The following CDH13 variants were observed in gnomAD, a reference collection of about 807,000 sequenced individuals.
CDH13 encodes the protein cadherin-13.
A neutral mutation model predicts 63.8 loss-of-function variants in CDH13; 24 were observed. The ratio of observed to expected loss-of-function variants is 0.38; its 90% CI spans 0.27 to 0.53. CDH13 has a LOEUF of 0.53. CDH13 is among the 20% of genes least tolerant of loss of function. The pLI, the probability that CDH13 is intolerant of heterozygous loss-of-function variation, is 0.85. For missense variants in CDH13, 1,049 were observed against 903.1 expected (o/e 1.16, Z -2.07); for synonymous variants, 503 against 355.3 (o/e 1.42, Z -4.67).
intron 5 of CDH13, among the ~76,000 whole-genome samples, chr16:83,252,563 A>C (rs2151826823): frequency 6.6e-6 from 1 of 152,258 alleles, no homozygotes; most frequent in East Asian, 1.9e-4. Context: ...GGCTGAGCCA[A>C]GTGACATGTT....
chr16:83,751,854 G>A (rs1913112059), intron 11 of CDH13, among the ~76,000 whole-genome samples: 1 of 152,246 alleles, frequency 6.6e-6, no homozygotes, highest in African/African-American at 2.4e-5. Flanking sequence ...AGTTTCAGAG[G>A]ACTGGTCCTT....
intron 1 of CDH13, among the ~76,000 whole-genome samples, chr16:82,836,437 G>A (rs1043641317): frequency 2.0e-5 from 3 of 152,072 alleles, no homozygotes; most frequent in South Asian, 2.1e-4. Flanking sequence ...GGCATGAGCC[G>A]CTGTGCCTGG....
chr16:83,288,216 C>G lies in CDH13; in HGVS notation c.637-56646C>G, dbSNP rs150084535. 5.3e-5 allele frequency among the ~76,000 whole-genome samples: 8 copies of G among 152,332 alleles called. No individual in the cohort carries two copies. The East Asian group carries it at 1.5e-3, about 29-fold the overall frequency. Reference sequence around the variant, plus strand: ...AAAGCAAGCTCCTCACTCATCTCCTCTAGCCCAGCCCCAATAGCTAACTCA... The same window carrying G: ...AAAGCAAGCTCCTCACTCATCTCCTGTAGCCCAGCCCCAATAGCTAACTCA... On this transcript the variant is annotated intron_variant, in intron 5 of 13. Transcript: ENST00000567109.
intron 4 of CDH13, among the ~76,000 whole-genome samples, chr16:83,147,706 G>C (rs911668655): frequency 6.6e-6 from 1 of 151,914 alleles, no homozygotes; most frequent in Non-Finnish European, 1.5e-5. Context: ...CCCCACTTGC[G>C]TTCCACCCCT....
chr16:83,341,596 C>T (rs990777055), intron 5 of CDH13, among the ~76,000 whole-genome samples: 1 of 152,198 alleles, frequency 6.6e-6, no homozygotes, highest in African/African-American at 2.4e-5. Context: ...ATGTTTTCCT[C>T]TGTGGGGATC....
chr16:83,473,906 T>G (rs2073531014), intron 6 of CDH13, among the ~76,000 whole-genome samples: 1 of 152,112 alleles, frequency 6.6e-6, no homozygotes, highest in South Asian at 2.1e-4. Flanking sequence ...CTCATAGGGT[T>G]TGTGGGATGA....
intron 4 of CDH13, among the ~76,000 whole-genome samples, chr16:83,127,086 C>G (rs563738679): frequency 6.6e-6 from 1 of 152,262 alleles, no homozygotes; most frequent in African/African-American, 2.4e-5. Flanking sequence ...GGTTGAACAG[C>G]ATCTTTGGCA....
At chr16:83,303,977 T>C (rs2089813596) in intron 5 of CDH13, among the ~76,000 whole-genome samples, 2 of 152,154 alleles carry the variant, frequency 1.3e-5, no homozygotes, top group Non-Finnish European at 2.9e-5. Context: ...ATAGGATGAA[T>C]TGGGCTTTTT....
intron 1 of CDH13, among the ~76,000 whole-genome samples, chr16:82,731,747 T>C (rs2033414699): frequency 6.6e-6 from 1 of 152,244 alleles, no homozygotes; most frequent in Non-Finnish European, 1.5e-5. Context: ...GTGTGTACAA[T>C]TTACAATATA....
intron 6 of CDH13, among the ~76,000 whole-genome samples, chr16:83,456,198 A>G (rs956279268): frequency 7.2e-5 from 11 of 152,218 alleles, no homozygotes; most frequent in African/African-American, 2.7e-4. Context: ...AGGCAGACAC[A>G]TTCCCTGCTC....
At chr16:83,196,457 C>G (rs1214315629) in intron 4 of CDH13, among the ~76,000 whole-genome samples, 1 of 152,012 alleles carries the variant, frequency 6.6e-6, no homozygotes, top group Non-Finnish European at 1.5e-5. Context: ...AAATTTGAAA[C>G]TTTTGCTATG....
At chr16:83,753,163 C>T (rs115412811) in intron 11 of CDH13, among the ~76,000 whole-genome samples, 1 of 152,180 alleles carries the variant, frequency 6.6e-6, no homozygotes, top group Non-Finnish European at 1.5e-5. Context: ...ATCAGAGCAA[C>T]TTTTATTTAA....
chr16:82,681,383 A>G (rs1914527926), intron 1 of CDH13, among the ~76,000 whole-genome samples: 1 of 152,110 alleles, frequency 6.6e-6, no homozygotes, highest in African/African-American at 2.4e-5. Flanking sequence ...TGGGTACAGG[A>G]TTTCCATTTG....
At chr16:83,443,715 AAAAAAAAAAAAAAAAAAAAAAT>A (rs200424583) in intron 6 of CDH13, among the ~76,000 whole-genome samples, 25,480 of 89,006 alleles carry the variant, frequency 0.29, 2,846 homozygotes, top group East Asian at 0.47. Flanking sequence ...GAAAAAAAAA[AAAAAAAAAAAAAAAAAAAAAAT>A]ATATATATAT....
intron 6 of CDH13, among the ~76,000 whole-genome samples, chr16:83,413,268 C>T (rs955988589): frequency 6.6e-6 from 1 of 152,160 alleles, no homozygotes; most frequent in Non-Finnish European, 1.5e-5. Flanking sequence ...ACAGGTCTCC[C>T]ATAAAATAGC....
chr16:82,805,676 T>A (rs1002748224), intron 1 of CDH13, among the ~76,000 whole-genome samples: 1 of 152,108 alleles, frequency 6.6e-6, no homozygotes, highest in Admixed American at 6.5e-5. Context: ...TAGGTGTGGG[T>A]GTCTGATTTA....
intron 1 of CDH13, among the ~76,000 whole-genome samples, chr16:82,676,672 G>T (rs1011732151): frequency 6.6e-5 from 10 of 151,290 alleles, no homozygotes; most frequent in South Asian, 4.2e-4. Context: ...CCTGCCGTTG[G>T]TTTTTTTTAT....
chr16:82,736,326 C>T (rs751456184), intron 1 of CDH13, among the ~76,000 whole-genome samples: 1 of 152,008 alleles, frequency 6.6e-6, no homozygotes, highest in Admixed American at 6.6e-5. Flanking sequence ...AAAGACAAAG[C>T]GGAGTTGTTA....
Position 83,029,276 on chromosome 16 carries a change from A to G in CDH13, c.158-2734A>G, listed in dbSNP as rs200996259. On this transcript the variant is annotated intron_variant, in intron 2 of 13. Transcript: ENST00000567109. ...TCACAGTGTGCTAGGACCTATGTAGATGAGCTTAGATTCTCAGATATTTAT... is the reference window on the plus strand; with the variant it reads ...TCACAGTGTGCTAGGACCTATGTAGGTGAGCTTAGATTCTCAGATATTTAT... 5.3e-5 allele frequency among the ~76,000 whole-genome samples: 8 copies of G among 152,264 alleles called. No individual in the cohort carries two copies. The East Asian group carries it at 1.5e-3, about 29-fold the overall frequency.
Sources: gnomAD v4.1 joint callset for allele counts (sites outside exome capture counted in the v4.1 genomes callset) on GRCh38, gnomAD v4.1.1 for gene constraint, MANE v1.5 for transcripts, NCBI Gene and HGNC (gene_info 2026-07-23, HGNC 2026-07-21) for gene names.